TNRC18: variants seen among roughly 807,000 people sequenced by gnomAD.
TNRC18 encodes the protein trinucleotide repeat-containing gene 18 protein.
In TNRC18, 69 loss-of-function variants were observed where a neutral mutation model predicts 226.7. The observed-to-expected ratio is 0.30, with a 90% CI of 0.25 to 0.37. The LOEUF (loss-of-function observed/expected upper bound fraction) is 0.37. Among genes scored for constraint, TNRC18 ranks in the 10% least tolerant of loss-of-function variants. The pLI is 1.00. For synonymous variants in TNRC18, 2,449 were observed against 1,927.6 expected, an observed-to-expected ratio of 1.27 and a Z score of -7.09; for missense variants, 4,754 against 4,256.6, an observed-to-expected ratio of 1.12 and a Z score of -3.25.
intron 18 of TNRC18, among the ~76,000 whole-genome samples, chr7:5,334,487 C>T (rs1425793008): frequency 2.7e-5 from 4 of 146,672 alleles, no homozygotes; most frequent in Admixed American, 1.4e-4. Context: ...TTAGTAGAGA[C>T]GGGGTTTCAC....
chr7:5,323,418 C>A (rs562999717), intron 21 of TNRC18, among the ~76,000 whole-genome samples: 1 of 151,148 alleles, frequency 6.6e-6, no homozygotes, highest in African/African-American at 2.4e-5. Flanking sequence ...CACACTCCCT[C>A]CTAATGTGTG....
intron 2 of TNRC18, among the ~76,000 whole-genome samples, chr7:5,397,338 C>T (rs556520630): frequency 3.9e-5 from 6 of 152,346 alleles, no homozygotes; most frequent in East Asian, 1.9e-4. Flanking sequence ...GCAGGCTGCA[C>T]GGAAGCCTAA....
rs918865032 is a variant in TNRC18, at chr7:5,423,478, C to T, written c.-281G>A. 6 of 152,110 alleles carry T rather than the reference C, an allele frequency of 3.9e-5. No individual in the cohort carries two copies. The highest frequency in any genetic ancestry group is 1.3e-4 in the Admixed American group (2 of 15,272). 9.4% of individuals were successfully genotyped at this position (152,110 alleles called of 1,614,324 possible). ...GGTTCACGGCTCCAGGCTCCGGCGA[C>T]AACGACTCCGGCGGCGGCCCCGGCT... is the stretch of plus-strand genomic sequence containing the variant. On this transcript the variant is annotated 5_prime_UTR_variant, in exon 1 of 30. Transcript: ENST00000430969.
At chr7:5,339,229 C>CTTTTTTTTTTTTTTTT (rs199794938) in intron 18 of TNRC18, among the ~76,000 whole-genome samples, 2 of 142,590 alleles carry the variant, frequency 1.4e-5, no homozygotes. Flanking sequence ...CTTTTTTTTT[C>CTTTTTTTTTTTTTTTT]TTTTTTTTTT....
chr7:5,409,717 C>T (rs904574654), intron 2 of TNRC18, among the ~76,000 whole-genome samples: 2 of 151,600 alleles, frequency 1.3e-5, no homozygotes, highest in Non-Finnish European at 2.9e-5. Context: ...GTGGCTCACG[C>T]TTGTAATCCC....
chr7:5,344,869 G>A (rs1488484072), intron 18 of TNRC18, among the ~76,000 whole-genome samples: 1 of 152,192 alleles, frequency 6.6e-6, no homozygotes, highest in African/African-American at 2.4e-5. Context: ...GCAGGGCCCT[G>A]ATGCAGGGAA....
In TNRC18 at chr7:5,320,440, G is replaced by T; in HGVS notation, c.6637-14C>A. 3.2e-6 allele frequency: 5 copies of T among 1,562,314 alleles called. No individual in the cohort carries two copies. Among genetic ancestry groups the T allele is most frequent in the Non-Finnish European group, 4.3e-6 (5 of 1,153,310 alleles). On this transcript the variant is annotated splice_polypyrimidine_tract_variant and intron_variant, in intron 23 of 29. Transcript: ENST00000430969. Reference sequence around the variant, plus strand: ...CACATCGATGATCTAGAAGGGCATGGGATGAGTGCAAGGTGTGGACACAGT... The same window carrying T: ...CACATCGATGATCTAGAAGGGCATGTGATGAGTGCAAGGTGTGGACACAGT...
chr7:5,345,856 G>T (rs116972887), intron 17 of TNRC18, 46 bp from the exon 18 acceptor site: 27,419 of 1,509,814 alleles, frequency 0.018, 331 homozygotes, highest in Middle Eastern at 0.031. Flanking sequence ...TGGCCTTGGC[G>T]AGGGCCACCC....
At chr7:5,346,769 C>T (rs184304937) in intron 17 of TNRC18, among the ~76,000 whole-genome samples, 1 of 152,380 alleles carries the variant, frequency 6.6e-6, no homozygotes, top group Non-Finnish European at 1.5e-5. Context: ...AGGGGTGACC[C>T]TCCCAGCCCA....
intron 18 of TNRC18, among the ~76,000 whole-genome samples, chr7:5,335,223 G>C (rs889455358): frequency 2.0e-5 from 3 of 148,316 alleles, no homozygotes; most frequent in Non-Finnish European, 4.4e-5. Flanking sequence ...GAATCACTTG[G>C]ACCCGGAGGT....
intron 19 of TNRC18, among the ~76,000 whole-genome samples, chr7:5,326,302 C>G (rs753377666): frequency 6.6e-6 from 1 of 152,146 alleles, no homozygotes; most frequent in African/African-American, 2.4e-5. Flanking sequence ...CAACGTTTCC[C>G]CTCAACATGA....
intron 25 of TNRC18, 105 bp downstream of exon 25, chr7:5,315,851 T>G (rs1583742276): frequency 1.3e-6 from 1 of 791,686 alleles, no homozygotes; most frequent in East Asian, 3.1e-5. Context: ...CCATCACCTG[T>G]GGCTCCAAAT....
intron 18 of TNRC18, among the ~76,000 whole-genome samples, chr7:5,338,620 A>G (rs1165376642): frequency 6.8e-6 from 1 of 146,066 alleles, no homozygotes; most frequent in African/African-American, 2.5e-5. Flanking sequence ...TGCACATTAA[A>G]AAAAAAAAAA....
rs985735966 is a variant in TNRC18 at position 5,308,053 on chromosome 7, G to T, written c.*53C>A. ...GTCTCCGCGCCATGGCAGTGATGGA[G>T]ATGGGTCCCTGGCCGCCCTCGGGGC... On this transcript the variant is annotated 3_prime_UTR_variant, in exon 30 of 30. Coordinates refer to ENST00000430969, the MANE Select transcript of TNRC18 (RefSeq NM_001080495.3). The T allele has an allele frequency of 6.7e-7, 1 of 1,496,910 alleles. No homozygotes were observed. The highest frequency in any genetic ancestry group is 1.4e-5 in the African/African-American group (1 of 71,906). 92.7% of individuals were successfully genotyped at this position (1,496,910 alleles called of 1,614,324 possible).
chr7:5,342,787 A>G (rs1790811165), intron 18 of TNRC18, among the ~76,000 whole-genome samples: 1 of 152,232 alleles, frequency 6.6e-6, no homozygotes, highest in Admixed American at 6.5e-5. Context: ...AAGAAGTTCT[A>G]TAGGTAAAAC....
chr7:5,333,940 C>G (rs1223495380), intron 18 of TNRC18, among the ~76,000 whole-genome samples: 1 of 152,192 alleles, frequency 6.6e-6, no homozygotes, highest in Admixed American at 6.5e-5. Context: ...TCCGAGTTCT[C>G]TGGGATCTCC....
chr7:5,325,280 A>T (rs1429483196), intron 19 of TNRC18, 32 bp from the exon 20 acceptor site: 2 of 1,541,568 alleles, frequency 1.3e-6, no homozygotes, highest in Non-Finnish European at 1.7e-6. Flanking sequence ...AGGAGCCATC[A>T]AACGGCAGGG....
chr7:5,345,517 G>GCCGCCCCC, intron 18 of TNRC18, 45 bp downstream of exon 18: 1 of 377,744 alleles, frequency 2.6e-6, no homozygotes, highest in Non-Finnish European at 4.8e-6. Flanking sequence ...AATGGCGTCC[G>GCCGCCCCC]CCCCTCCCAC....
intron 1 of TNRC18, among the ~76,000 whole-genome samples, chr7:5,422,625 C>T (rs1443163262): frequency 2.0e-5 from 3 of 152,134 alleles, no homozygotes; most frequent in Non-Finnish European, 2.9e-5. Flanking sequence ...CCGCCCGGCG[C>T]CCTGCACTCC....
Sources: gnomAD v4.1 joint callset for allele counts (sites outside exome capture counted in the v4.1 genomes callset) on GRCh38, gnomAD v4.1.1 for gene constraint, MANE v1.5 for transcripts, NCBI Gene and HGNC (gene_info 2026-07-23, HGNC 2026-07-21) for gene names.